The following MYO16 variants were observed in gnomAD, a reference collection of about 807,000 sequenced individuals.
The protein encoded by MYO16 is myosin XVI.
MYO16 carries 94 observed loss-of-function variants against 205.3 expected under a neutral mutation model. That is an observed-to-expected ratio of 0.46 (90% CI 0.39 to 0.54). MYO16 has a LOEUF of 0.54. Among genes scored for constraint, MYO16 ranks in the 20% least tolerant of loss-of-function variants. The probability of loss-of-function intolerance (pLI) is 0.00; values close to 1 mark genes in which losing one functional copy is unlikely to be tolerated. For missense variants in MYO16, 2,315 were observed against 2,387.5 expected (o/e 0.97, Z 0.63); for synonymous variants, 988 against 954.0 (o/e 1.04, Z -0.66).
Position 109,127,158 on chromosome 13 carries a change from A to T in MYO16, c.3783-124A>T, listed in dbSNP as rs958484503. On this transcript the variant is annotated intron_variant, in intron 30 of 34. Coordinates refer to ENST00000457511, the MANE Select transcript of MYO16 (RefSeq NM_001198950.3). This position sits in a 1 kb window ranked among gnomAD's most constrained non-coding sequence, Gnocchi z 4.2. ...AGAGGGCTGCACACGTCCTCCAGCC[A>T]CAGCAGGAAGGGCTGCTTGCCAAAA... 1 of 1,269,208 alleles carries T rather than the reference A, an allele frequency of 7.9e-7. No homozygotes were observed. Among genetic ancestry groups the T allele is most frequent in the African/African-American group, 1.5e-5 (1 of 66,564 alleles). The allele number at this position is 1,269,208 out of a possible 1,614,324, so 78.6% of individuals were successfully genotyped here.
chr13:109,113,324 A>G (rs1875499085), intron 28 of MYO16, among the ~76,000 whole-genome samples: 1 of 120,366 alleles, frequency 8.3e-6, no homozygotes, highest in African/African-American at 3.1e-5. Context: ...GGAAGAAGGA[A>G]GGGAGGAAGG....
At chr13:108,792,659 T>A (rs1886653136) in intron 5 of MYO16, among the ~76,000 whole-genome samples, 1 of 151,996 alleles carries the variant, frequency 6.6e-6, no homozygotes, top group Admixed American at 6.6e-5. Flanking sequence ...TTATAGACAC[T>A]TGCCACCACA....
At chr13:109,166,100 A>C (rs972844073) in intron 33 of MYO16, among the ~76,000 whole-genome samples, 10 of 152,224 alleles carry the variant, frequency 6.6e-5, no homozygotes, top group Non-Finnish European at 1.5e-4. Context: ...AGCACACAAA[A>C]TAAGATAAAA....
Position 109,140,634 on chromosome 13 carries a change from C to A in MYO16, c.4422C>A (p.Leu1474=). The A allele has an allele frequency of 6.6e-7, 1 of 1,516,666 alleles. No individual in the cohort carries two copies. The highest frequency in any genetic ancestry group is 1.2e-5 in the South Asian group (1 of 81,578). 94.0% of individuals were successfully genotyped at this position (1,516,666 alleles called of 1,614,324 possible). A position where few individuals can be genotyped will look rare whatever the true frequency, so the allele number is the denominator to read the frequency against. ...DGGPGAGSFL[L]HGASPPLLHR... ...GCCCGGGCGCGGGCTCCTTCCTGCT[C>A]CACGGCGCATCGCCGCCCCTGCTCC... is the stretch of plus-strand genomic sequence containing the variant. Residue 1474 remains leucine (L), a synonymous_variant, in exon 32 of 35, where the codon CTC becomes CTA. Coordinates refer to ENST00000457511, the MANE Select transcript of MYO16 (RefSeq NM_001198950.3). This position sits in a 1 kb window ranked among gnomAD's most constrained non-coding sequence, Gnocchi z 8.0.
At chr13:109,113,549 C>T (rs1208708571) in intron 28 of MYO16, among the ~76,000 whole-genome samples, 1 of 152,106 alleles carries the variant, frequency 6.6e-6, no homozygotes, top group Admixed American at 6.6e-5. Flanking sequence ...CGCATGTAGA[C>T]CCATGATAAT....
the MYO16 span, among the ~76,000 whole-genome samples, chr13:108,567,326 G>A: frequency 6.6e-6 from 1 of 152,290 alleles, no homozygotes; most frequent in East Asian, 1.9e-4. Flanking sequence ...TAACTTTAGA[G>A]CTTGGAGCAC....
At chr13:109,095,306 A>G (rs916865473) in intron 27 of MYO16, among the ~76,000 whole-genome samples, 1 of 152,068 alleles carries the variant, frequency 6.6e-6, no homozygotes, top group Non-Finnish European at 1.5e-5. Context: ...GTGAGAGTGG[A>G]TAAGTCCCTC....
At chr13:108,699,826 A>C (rs573527143) in intron 2 of MYO16, among the ~76,000 whole-genome samples, 1 of 152,150 alleles carries the variant, frequency 6.6e-6, no homozygotes, top group East Asian at 1.9e-4. Context: ...AATTATTACT[A>C]TCAATCTAAT....
chr13:109,022,795 CAT>C (rs560261233), intron 23 of MYO16, among the ~76,000 whole-genome samples: 1,804 of 134,188 alleles, frequency 0.013, 48 homozygotes, highest in African/African-American at 0.046. Context: ...ACTATGTAAA[CAT>C]ATGTATATAT....
At chr13:108,707,343 G>A (rs16972960) in intron 2 of MYO16, among the ~76,000 whole-genome samples, 10,672 of 152,166 alleles carry the variant, frequency 0.07, 517 homozygotes, top group African/African-American at 0.14. Context: ...AATCAATGAC[G>A]TCAAGGAACA....
intron 2 of MYO16, among the ~76,000 whole-genome samples, chr13:108,670,484 C>T (rs556859052): frequency 1.3e-5 from 2 of 152,078 alleles, no homozygotes; most frequent in East Asian, 3.9e-4. Flanking sequence ...TGATACTAAT[C>T]AATGAAAGAA....
chr13:109,116,329 T>C (rs1245449754), intron 28 of MYO16, among the ~76,000 whole-genome samples: 3 of 152,152 alleles, frequency 2.0e-5, no homozygotes, highest in African/African-American at 7.2e-5. Flanking sequence ...AGTGCAGATT[T>C]GCATAGGCTA....
intron 2 of MYO16, among the ~76,000 whole-genome samples, chr13:108,672,817 G>A (rs553038054): frequency 1.8e-4 from 27 of 152,264 alleles, no homozygotes; most frequent in African/African-American, 5.3e-4. Context: ...AAAAATCAGA[G>A]AGGAAGTACA....
At chr13:108,816,102 C>T (rs1036604486) in intron 7 of MYO16, among the ~76,000 whole-genome samples, 10 of 152,040 alleles carry the variant, frequency 6.6e-5, no homozygotes, top group South Asian at 2.1e-4. Context: ...CTGGACCGTC[C>T]GGGCCTTTAC....
chr13:108,946,297 A>G (rs922518817), intron 16 of MYO16, among the ~76,000 whole-genome samples: 15 of 151,804 alleles, frequency 9.9e-5, no homozygotes, highest in African/African-American at 2.9e-4. Context: ...CAAAAAAAAA[A>G]GGGGGTTTGA....
At chr13:108,804,336 GAA>G (rs1311275888) in intron 6 of MYO16, among the ~76,000 whole-genome samples, 1 of 152,172 alleles carries the variant, frequency 6.6e-6, no homozygotes, top group Non-Finnish European at 1.5e-5. Flanking sequence ...GTTCACAGCA[GAA>G]ATGATAACCA....
chr13:109,151,938 G>A (rs1877693441), intron 32 of MYO16, among the ~76,000 whole-genome samples: 1 of 152,138 alleles, frequency 6.6e-6, no homozygotes. Context: ...ATGACGTGCT[G>A]GAGGGGGTCA....
chr13:108,870,283 C>T (rs1227182815), intron 12 of MYO16, among the ~76,000 whole-genome samples: 2 of 151,836 alleles, frequency 1.3e-5, no homozygotes, highest in African/African-American at 4.8e-5. Flanking sequence ...CTTTATATTA[C>T]TGACGTCTAT....
chr13:108,866,747 T>A (rs946719374), intron 12 of MYO16, among the ~76,000 whole-genome samples: 5 of 152,218 alleles, frequency 3.3e-5, no homozygotes, highest in African/African-American at 1.2e-4. Context: ...AAATGCAGTA[T>A]GATTTTTGAG....
Sources: gnomAD v4.1 joint callset for allele counts (sites outside exome capture counted in the v4.1 genomes callset) on GRCh38, gnomAD v4.1.1 for gene constraint, Gnocchi (gnomAD v3.1) non-coding constraint, MANE v1.5 for transcripts, NCBI Gene and HGNC (gene_info 2026-07-23, HGNC 2026-07-21) for gene names.